Variants in RASAL2 observed in about 807,000 individuals in gnomAD.
The protein encoded by RASAL2 is ras GTPase-activating protein nGAP.
A neutral mutation model predicts 128.9 loss-of-function variants in RASAL2; 58 were observed. The observed-to-expected ratio is 0.45, with a 90% CI of 0.36 to 0.56. The LOEUF is 0.56. Among genes scored for constraint, RASAL2 ranks in the 20% least tolerant of loss-of-function variants. The probability of loss-of-function intolerance (pLI) is 0.00; values close to 1 mark genes in which losing one functional copy is unlikely to be tolerated. For synonymous variants in RASAL2, 561 were observed against 580.8 expected, an observed-to-expected ratio of 0.97 and a Z score of 0.49; for missense variants, 1,360 against 1,601.6, an observed-to-expected ratio of 0.85 and a Z score of 2.57.
chr1:178,318,278 G>T (rs1225676451), intron 3 of RASAL2, among the ~76,000 whole-genome samples: 2 of 147,060 alleles, frequency 1.4e-5, no homozygotes, highest in African/African-American at 2.5e-5. Context: ...TGTTGATTTG[G>T]GGTGGAGAGT....
chr1:178,354,126 C>CT (rs553281286), intron 3 of RASAL2, among the ~76,000 whole-genome samples: 210 of 151,862 alleles, frequency 1.4e-3, no homozygotes, highest in African/African-American at 4.3e-3. Flanking sequence ...TCCAGAAATC[C>CT]TAAAAAAAAT....
At chr1:178,330,064 A>C (rs1222706497) in intron 3 of RASAL2, among the ~76,000 whole-genome samples, 1 of 152,188 alleles carries the variant, frequency 6.6e-6, no homozygotes, top group Non-Finnish European at 1.5e-5. Flanking sequence ...TGCTTTAATC[A>C]GAGCCATTAG....
At chr1:178,284,716 A>C (rs1041169034) in intron 2 of RASAL2, among the ~76,000 whole-genome samples, 1 of 152,212 alleles carries the variant, frequency 6.6e-6, no homozygotes, top group Non-Finnish European at 1.5e-5. Context: ...AAATCATCAT[A>C]ATTCCCAATT....
intron 9 of RASAL2, among the ~76,000 whole-genome samples, chr1:178,448,875 AAATT>A (rs1212079344): frequency 6.6e-6 from 1 of 152,206 alleles, no homozygotes; most frequent in African/African-American, 2.4e-5. Context: ...TGAGGCATGA[AAATT>A]AATTCAGTGG....
chr1:178,242,578 G>A (rs1379111519), intron 1 of RASAL2, among the ~76,000 whole-genome samples: 2 of 151,948 alleles, frequency 1.3e-5, no homozygotes, highest in South Asian at 2.1e-4. Flanking sequence ...GATTATAAGT[G>A]TGAGCCACCA....
intron 3 of RASAL2, among the ~76,000 whole-genome samples, chr1:178,329,166 A>G (rs533035549): frequency 6.6e-6 from 1 of 152,354 alleles, no homozygotes; most frequent in Non-Finnish European, 1.5e-5. Flanking sequence ...AAACACCTTT[A>G]CAATATACCG....
chr1:178,147,576 A>G (rs1249823485), intron 1 of RASAL2, among the ~76,000 whole-genome samples: 2 of 152,298 alleles, frequency 1.3e-5, no homozygotes, highest in South Asian at 2.1e-4. Context: ...ATTAAAATAT[A>G]TATGAGCACA....
intron 5 of RASAL2, among the ~76,000 whole-genome samples, chr1:178,433,642 T>C (rs1676069882): frequency 6.6e-6 from 1 of 152,008 alleles, no homozygotes; most frequent in Admixed American, 6.6e-5. Context: ...GCCAAGCATG[T>C]TGGCTCACAC....
At chr1:178,293,760 AC>A (rs1271168684) in intron 2 of RASAL2, among the ~76,000 whole-genome samples, 1 of 152,242 alleles carries the variant, frequency 6.6e-6, no homozygotes, top group African/African-American at 2.4e-5. Context: ...CTGTTAACTT[AC>A]GTGGAATTAG....
At chr1:178,176,001 AT>A (rs1446536289) in intron 1 of RASAL2, among the ~76,000 whole-genome samples, 2 of 152,186 alleles carry the variant, frequency 1.3e-5, no homozygotes, top group East Asian at 3.9e-4. Context: ...ATTGTGAATT[AT>A]ACAACAATAA....
intron 1 of RASAL2, among the ~76,000 whole-genome samples, chr1:178,181,960 C>A (rs991978536): frequency 9.2e-5 from 14 of 152,094 alleles, no homozygotes; most frequent in African/African-American, 2.4e-5. Flanking sequence ...TGTAAAGTTA[C>A]TTTTTCCCCC....
At chr1:178,433,255 A>G (rs1676040889) in intron 5 of RASAL2, among the ~76,000 whole-genome samples, 1 of 152,038 alleles carries the variant, frequency 6.6e-6, no homozygotes, top group South Asian at 2.1e-4. Context: ...CCCCATCCCC[A>G]TGAAGATGGT....
chr1:178,094,626 C>G lies in RASAL2; in HGVS notation c.134C>G (p.Ala45Gly), dbSNP rs1432689005. The change falls in exon 1 of 18, where the codon GCC becomes GGC. Residue 45 changes from alanine (A) to glycine (G), a missense_variant. This residue lies in a region of RASAL2 where 617 missense variants were observed against 714.2 expected (regional missense o/e 0.86). Transcript: ENST00000367649. ...DAVVPVSGAV[A>G]GGMLDRILLE... ...GTTGTCCCAGTCAGTGGAGCCGTCGCCGGTGGCATGTTGGATCGGATCCTT... is the reference window on the plus strand; with the variant it reads ...GTTGTCCCAGTCAGTGGAGCCGTCGGCGGTGGCATGTTGGATCGGATCCTT... 6.2e-7 allele frequency: 1 copy of G among 1,613,756 alleles called. No individual in the cohort carries two copies. Among genetic ancestry groups the G allele is most frequent in the Non-Finnish European group, 8.5e-7 (1 of 1,179,942 alleles).
At chr1:178,231,842 A>G (rs980503545) in intron 1 of RASAL2, among the ~76,000 whole-genome samples, 1 of 152,182 alleles carries the variant, frequency 6.6e-6, no homozygotes, top group Non-Finnish European at 1.5e-5. Flanking sequence ...CTAATTTGAT[A>G]TGTTTTTGAG....
intron 1 of RASAL2, among the ~76,000 whole-genome samples, chr1:178,258,293 CAAA>C (rs993642772): frequency 4.3e-5 from 3 of 69,374 alleles, no homozygotes; most frequent in Non-Finnish European, 6.0e-5. Flanking sequence ...GACTGCATCT[CAAA>C]AAAAAAAAAA....
intron 1 of RASAL2, among the ~76,000 whole-genome samples, chr1:178,273,300 TACTGTGTGTATG>T (rs1321271616): frequency 6.6e-6 from 1 of 152,246 alleles, no homozygotes; most frequent in African/African-American, 2.4e-5. Flanking sequence ...TGTCCTCTTG[TACTGTGTGTATG>T]ACTTTTATAA....
intron 1 of RASAL2, among the ~76,000 whole-genome samples, chr1:178,275,187 T>C (rs2102185790): frequency 6.6e-6 from 1 of 152,276 alleles, no homozygotes; most frequent in Middle Eastern, 3.4e-3. Flanking sequence ...TTAAGGGACT[T>C]ACCTCTTTTA....
rs1169457432 is a variant in RASAL2 at position 178,351,749 on chromosome 1, AG to A, written c.458-38350del. 2.0e-5 allele frequency among the ~76,000 whole-genome samples: 3 copies of A among 151,454 alleles called. No individual in the cohort carries two copies. In the South Asian group the frequency reaches 6.3e-4, roughly 32 times the overall value. ...ATCTCAAGGAAAAAAAAAAAAAAAA[AG>A]TGTAGGCATTGGGTAAATACTCCCA... On this transcript the variant is annotated intron_variant, in intron 3 of 17. Transcript: ENST00000367649.
At position 178,254,414 on chromosome 1, in the gene RASAL2, G is replaced by A. The variant is rs189749907; in HGVS notation, c.203-29150G>A. Among the ~76,000 whole-genome samples the A allele has an allele frequency of 1.1e-4, 16 of 152,270 alleles. No individual in the cohort carries two copies. In the East Asian group the frequency reaches 3.1e-3, roughly 29 times the overall value. ...GATTATGTCAACTTTTGGCATTGCA[G>A]TCTATCTGCTGATCCATTTCTCAGT... On this transcript the variant is annotated intron_variant, in intron 1 of 17. Transcript: ENST00000367649.
Sources: allele counts gnomAD v4.1 joint callset (sites outside exome capture counted in the v4.1 genomes callset), GRCh38; gene constraint gnomAD v4.1.1; regional missense constraint gnomAD v4.1.1; transcripts MANE v1.5; gene names NCBI Gene and HGNC (gene_info 2026-07-23, HGNC 2026-07-21).